The following SHC3 variants were observed in gnomAD, a reference collection of about 807,000 sequenced individuals.
SHC3 encodes the protein SHC-transforming protein 3.
A neutral mutation model predicts 60.4 loss-of-function variants in SHC3; 15 were observed. The observed-to-expected ratio is 0.25, with a 90% confidence interval of 0.17 to 0.38. The LOEUF is 0.38. SHC3 is among the 10% of genes least tolerant of loss of function. SHC3 has a pLI of 1.00. For missense variants in SHC3, 677 were observed against 786.1 expected (o/e 0.86, Z 1.66); for synonymous variants, 294 against 325.9 (o/e 0.90, Z 1.05).
chr9:89,075,228 G>C lies in SHC3; in HGVS notation c.610C>G (p.Pro204Ala), dbSNP rs1474822700. The C allele has an allele frequency of 6.2e-7, 1 of 1,613,480 alleles. No homozygotes were observed. The highest frequency in any genetic ancestry group is 8.5e-7 in the Non-Finnish European group (1 of 1,179,680). Residue 204 changes from proline to alanine, a missense_variant and splice_region_variant, in exon 4 of 12, where the codon CCT (proline) becomes GCT (alanine). Transcript: ENST00000375835. ...ATGCTGGACAGCATTTTGCTTGGAGGCTGTGAAATTAAAGAGCATTATTTT... is the reference window on the plus strand; with the variant it reads ...ATGCTGGACAGCATTTTGCTTGGAGCCTGTGAAATTAAAGAGCATTATTTT... The part of the protein sequence containing the change: ...GAKGAFKKRK[P>A]PSKMLSSILG...
At chr9:89,163,307 C>G (rs1339246923) in intron 1 of SHC3, among the ~76,000 whole-genome samples, 1 of 152,016 alleles carries the variant, frequency 6.6e-6, no homozygotes, top group Non-Finnish European at 1.5e-5. Context: ...ATGTTTATTG[C>G]GGCATTGTTC....
chr9:89,075,064 A>C, intron 4 of SHC3, 45 bp downstream of exon 4: 1 of 1,603,282 alleles, frequency 6.2e-7, no homozygotes, highest in Non-Finnish European at 8.5e-7. Flanking sequence ...AACACTCATC[A>C]CCTGGGGCTG....
chr9:89,054,544 C>T (rs945910054), intron 6 of SHC3, among the ~76,000 whole-genome samples: 4 of 152,206 alleles, frequency 2.6e-5, no homozygotes, highest in Non-Finnish European at 5.9e-5. Flanking sequence ...TTCTAGCCTG[C>T]CCTGTGTGAT....
At chr9:89,177,159 A>G (rs1405416847) in intron 1 of SHC3, among the ~76,000 whole-genome samples, 1 of 152,228 alleles carries the variant, frequency 6.6e-6, no homozygotes, top group African/African-American at 2.4e-5. Context: ...ACCGCGTGGC[A>G]GATTACTTGA....
chr9:89,103,731 C>T (rs1587728811), intron 2 of SHC3, among the ~76,000 whole-genome samples: 1 of 152,194 alleles, frequency 6.6e-6, no homozygotes, highest in African/African-American at 2.4e-5. Flanking sequence ...TCAATTAATT[C>T]TCAGCCCTAT....
intron 11 of SHC3, among the ~76,000 whole-genome samples, chr9:89,032,745 G>A (rs1056678769): frequency 3.3e-5 from 5 of 152,148 alleles, no homozygotes; most frequent in Non-Finnish European, 1.5e-5. Flanking sequence ...ATACTCTGGA[G>A]TAAATTTAGA....
intron 11 of SHC3, among the ~76,000 whole-genome samples, chr9:89,027,870 T>C (rs1490707105): frequency 6.6e-6 from 1 of 152,068 alleles, no homozygotes; most frequent in Non-Finnish European, 1.5e-5. Flanking sequence ...GAGGGACCCT[T>C]GCAACAGTGG....
chr9:89,066,293 G>C (rs576108727), intron 5 of SHC3, among the ~76,000 whole-genome samples: 1 of 152,332 alleles, frequency 6.6e-6, no homozygotes, highest in East Asian at 1.9e-4. Flanking sequence ...AAGAAAACCA[G>C]AGTGGATGTT....
At chr9:89,075,335 T>C in intron 3 of SHC3, 107 bp from the exon 4 acceptor site, 1 of 1,442,016 alleles carries the variant, frequency 6.9e-7, no homozygotes, top group Non-Finnish European at 9.4e-7. Flanking sequence ...TCCTCCCTCC[T>C]TAGGCATAAG....
At position 89,010,162 on chromosome 9, in the gene SHC3, A is replaced by G. The variant is rs1825997205; in HGVS notation, c.*3285T>C. On this transcript the variant is annotated 3_prime_UTR_variant, in exon 12 of 12. Transcript: ENST00000375835. ...TTTGTCCATTATCCCAACATCATAG[A>G]TGGCCTGACAAAATAGCTGCTCGCT... 6.6e-6 allele frequency: 1 copy of G among 152,234 alleles called. No individual in the cohort carries two copies. The highest frequency in any genetic ancestry group is 6.5e-5 in the Admixed American group (1 of 15,292). 9.4% of individuals were successfully genotyped at this position (152,234 alleles called of 1,614,324 possible). A position where few individuals can be genotyped will look rare whatever the true frequency, so the allele number is the denominator to read the frequency against.
chr9:89,080,768 CTT>C (rs11445164), intron 2 of SHC3, among the ~76,000 whole-genome samples: 1,516 of 127,166 alleles, frequency 0.012, 10 homozygotes, highest in South Asian at 0.035. Context: ...TGTATGTATA[CTT>C]TTTTTTTTTT....
In SHC3 at chr9:89,090,850, C is replaced by G. The variant is rs193037080; in HGVS notation, c.546-12947G>C. ...ACAAGGAAATGAATATCAGGGTTTG[C>G]TGATGCAGAGCGAAATGAGGAAGAA... On this transcript the variant is annotated intron_variant, in intron 2 of 11. Transcript: ENST00000375835. 4.6e-5 allele frequency among the ~76,000 whole-genome samples: 7 copies of G among 152,314 alleles called. No individual in the cohort carries two copies. The East Asian group carries it at 9.7e-4, about 21-fold the overall frequency.
chr9:89,039,167 C>A (rs553558690), intron 10 of SHC3, among the ~76,000 whole-genome samples: 109 of 152,310 alleles, frequency 7.2e-4, no homozygotes, highest in African/African-American at 2.4e-3. Flanking sequence ...CATAAGCATA[C>A]ACATACATAC....
intron 1 of SHC3, among the ~76,000 whole-genome samples, chr9:89,153,318 T>A (rs994572079): frequency 3.3e-5 from 5 of 152,320 alleles, no homozygotes; most frequent in Admixed American, 6.5e-5. Context: ...ATTATGAGAA[T>A]GTTGTCTGAT....
At position 89,178,517 on chromosome 9, in the gene SHC3, G is replaced by A. The variant is rs1826983203; in HGVS notation, c.-57C>T. On this transcript the variant is annotated 5_prime_UTR_variant, in exon 1 of 12. Coordinates refer to ENST00000375835, the MANE Select transcript of SHC3 (RefSeq NM_016848.6). This position sits in a 1 kb window ranked among gnomAD's most constrained non-coding sequence, Gnocchi z 6.9. ...GCGCTGCTGGTGCCGGCCCCGGCGC[G>A]GGCTGCCGCGCATAGCAGGCGAGCC... 4 of 1,395,750 alleles carry A rather than the reference G, an allele frequency of 2.9e-6. No homozygotes were observed. Among genetic ancestry groups the A allele is most frequent in the Middle Eastern group, 1.9e-4 (1 of 5,268 alleles). The allele number at this position is 1,395,750 out of a possible 1,614,324, so 86.5% of individuals were successfully genotyped here.
intron 6 of SHC3, 137 bp downstream of exon 6, chr9:89,065,392 C>A (rs1289075644): frequency 1.1e-6 from 1 of 929,564 alleles, no homozygotes; most frequent in Admixed American, 2.0e-5. Flanking sequence ...CCCTTGCAAA[C>A]CTCATTCATC....
At position 89,007,775 on chromosome 9, in the gene SHC3, C is replaced by G. The variant is rs1376301628; in HGVS notation, c.*5672G>C. On this transcript the variant is annotated 3_prime_UTR_variant, in exon 12 of 12. Transcript: ENST00000375835. ...ACCTTCTTCTTTCTTTGTCTTCCCC[C>G]ACTGGCTTCTCTGTCATTTCCCACA... is the stretch of plus-strand genomic sequence containing the variant. The G allele has an allele frequency of 1.3e-5, 2 of 152,404 alleles. No individual in the cohort carries two copies. The highest frequency in any genetic ancestry group is 1.9e-4 in the East Asian group (1 of 5,182). 9.4% of individuals were successfully genotyped at this position (152,404 alleles called of 1,614,324 possible).
At chr9:89,087,639 T>G (rs1056189558) in intron 2 of SHC3, among the ~76,000 whole-genome samples, 1 of 152,224 alleles carries the variant, frequency 6.6e-6, no homozygotes, top group East Asian at 1.9e-4. Flanking sequence ...AATGACAGAT[T>G]ACTATTATTA....
chr9:89,114,854 C>A (rs901901179), intron 1 of SHC3, among the ~76,000 whole-genome samples: 1 of 152,116 alleles, frequency 6.6e-6, no homozygotes, highest in Admixed American at 6.5e-5. Context: ...AGCAGCAACA[C>A]TGCAGTTATG....
Sources: gnomAD v4.1 joint callset for allele counts (sites outside exome capture counted in the v4.1 genomes callset) on GRCh38, gnomAD v4.1.1 for gene constraint, Gnocchi (gnomAD v3.1) non-coding constraint, MANE v1.5 for transcripts, NCBI Gene and HGNC (gene_info 2026-07-23, HGNC 2026-07-21) for gene names.